Variants in RTN4 observed in about 807,000 individuals in gnomAD.
RTN4 encodes the protein reticulon 4, also known as reticulon-4.
A neutral mutation model predicts 90.4 loss-of-function variants in RTN4; 32 were observed. The ratio of observed to expected loss-of-function variants is 0.35; its 90% CI spans 0.27 to 0.48. The LOEUF is 0.48. RTN4 is among the 20% of genes least tolerant of loss of function. RTN4 has a pLI of 0.99. For missense variants in RTN4, 1,706 were observed against 1,430.2 expected, an observed-to-expected ratio of 1.19 and a Z score of -3.11; for synonymous variants, 629 against 552.5, an observed-to-expected ratio of 1.14 and a Z score of -1.94.
At chr2:55,046,572 AT>A (rs2104964914) in intron 1 of RTN4, among the ~76,000 whole-genome samples, 1 of 152,216 alleles carries the variant, frequency 6.6e-6, no homozygotes, top group South Asian at 2.1e-4. Context: ...TATCCTGTTT[AT>A]TTTCCTCATA....
intron 1 of RTN4, among the ~76,000 whole-genome samples, chr2:55,092,282 C>A (rs1374280878): frequency 8.0e-5 from 12 of 149,122 alleles, no homozygotes; most frequent in Admixed American, 7.4e-4. Flanking sequence ...GTTGCCCAGG[C>A]TGGAGTGTAA....
At chr2:55,068,731 A>G (rs918550747) in intron 2 of RTN4, among the ~76,000 whole-genome samples, 2 of 151,312 alleles carry the variant, frequency 1.3e-5, no homozygotes, top group African/African-American at 4.9e-5. Context: ...TGCATAAATG[A>G]TTTGCTGAAG....
chr2:54,977,409 T>TC, intron 5 of RTN4, among the ~76,000 whole-genome samples: 1 of 151,752 alleles, frequency 6.6e-6, no homozygotes, highest in South Asian at 2.1e-4. Flanking sequence ...TCAGGCCGTT[T>TC]TTTTTTTTTT....
intron 3 of RTN4, among the ~76,000 whole-genome samples, chr2:54,993,209 T>C (rs1212941905): frequency 1.4e-4 from 22 of 152,220 alleles, no homozygotes; most frequent in Admixed American, 1.4e-3. Flanking sequence ...CTCTTTTCTG[T>C]GCCATCTGAA....
In RTN4 at chr2:55,026,756, G is replaced by A. The variant is rs977158912; in HGVS notation, c.1343C>T (p.Pro448Leu). Residue 448 changes from proline to leucine, a missense_variant, in exon 3 of 9, where the codon CCC becomes CTC. Transcript: ENST00000337526. ...SESSNDDTSFPSTPEGIKDRS... is the reference protein window; with the variant it reads ...SESSNDDTSFLSTPEGIKDRS... ...ATCCTTTATACCTTCTGGCGTACTGGGGAAAGAAGTATCATCATTACTACT... is the reference window on the plus strand; with the variant it reads ...ATCCTTTATACCTTCTGGCGTACTGAGGAAAGAAGTATCATCATTACTACT... The A allele has an allele frequency of 6.2e-7, 1 of 1,613,868 alleles. No individual in the cohort carries two copies. The highest frequency in any genetic ancestry group is 1.7e-5 in the Admixed American group (1 of 59,982).
At chr2:55,128,313 T>G in the RTN4 span, among the ~76,000 whole-genome samples, 2 of 152,178 alleles carry the variant, frequency 1.3e-5, no homozygotes, top group Non-Finnish European at 2.9e-5. Flanking sequence ...GCCTCACATT[T>G]TTTTTGCACC....
At chr2:55,056,761 A>C (rs1668197597) in intron 2 of RTN4, among the ~76,000 whole-genome samples, 1 of 152,192 alleles carries the variant, frequency 6.6e-6, no homozygotes, top group Admixed American at 6.5e-5. Flanking sequence ...TTGTTGAAAT[A>C]AGTTCCCAAT....
intron 1 of RTN4, among the ~76,000 whole-genome samples, chr2:55,104,914 T>C (rs1390648213): frequency 6.6e-6 from 1 of 151,248 alleles, no homozygotes; most frequent in Non-Finnish European, 1.5e-5. Flanking sequence ...TCAAGCGATC[T>C]CCCCACCTCA....
At chr2:55,010,224 C>A in intron 3 of RTN4, 1 of 1,585,298 alleles carries the variant, frequency 6.3e-7, no homozygotes. Flanking sequence ...ATACCCGTTT[C>A]CTCAACCGAA....
At chr2:55,086,045 C>T (rs919044407) in intron 1 of RTN4, among the ~76,000 whole-genome samples, 1 of 152,214 alleles carries the variant, frequency 6.6e-6, no homozygotes, top group Non-Finnish European at 1.5e-5. Context: ...GACATTTCTT[C>T]ATCAGATAGA....
intron 1 of RTN4, among the ~76,000 whole-genome samples, chr2:55,035,190 T>C (rs1376024239): frequency 6.6e-6 from 1 of 152,200 alleles, no homozygotes; most frequent in East Asian, 1.9e-4. Context: ...AACTGACTTT[T>C]ATGGAACACT....
chr2:54,985,958 TC>T (rs1678525501), intron 4 of RTN4, among the ~76,000 whole-genome samples: 1 of 152,224 alleles, frequency 6.6e-6, no homozygotes, highest in African/African-American at 2.4e-5. Context: ...AATTAACATT[TC>T]AAAGGCTTAG....
At chr2:55,120,476 A>G in the RTN4 span, among the ~76,000 whole-genome samples, 2 of 151,702 alleles carry the variant, frequency 1.3e-5, no homozygotes, top group African/African-American at 4.8e-5. Flanking sequence ...TGGCCCCCAA[A>G]CCTCTCACTG....
In RTN4 at chr2:55,049,792, G is replaced by T. The variant is rs200650924; in HGVS notation, c.509C>A (p.Pro170His). ...TPPAPAPAAPPSTPAAPKRRG... is the reference protein window; with the variant it reads ...TPPAPAPAAPHSTPAAPKRRG... Reference sequence around the variant, plus strand: ...GCGCTTGGGCGCGGCCGGGGTGGAGGGGGGCGCGGCGGGAGCCGGGGCTGG... The same window carrying T: ...GCGCTTGGGCGCGGCCGGGGTGGAGTGGGGCGCGGCGGGAGCCGGGGCTGG... Residue 170 changes from proline to histidine, a missense_variant, in exon 1 of 9, where the codon CCC becomes CAC. Pro to His is a moderately conservative substitution (Grantham distance 77). Transcript: ENST00000337526. The T allele has an allele frequency of 3.9e-4, 515 of 1,311,030 alleles. 1 individual carries two copies. The African/African-American group carries it at 7.4e-3, about 19-fold the overall frequency. The allele number at this position is 1,311,030 out of a possible 1,614,324, so 81.2% of individuals were successfully genotyped here.
chr2:55,122,256 G>C, the RTN4 span, among the ~76,000 whole-genome samples: 1 of 152,170 alleles, frequency 6.6e-6, no homozygotes, highest in African/African-American at 2.4e-5. Context: ...TGGGATTATA[G>C]GCATGAGCCA....
At chr2:55,097,104 A>G (rs936544568) in intron 1 of RTN4, among the ~76,000 whole-genome samples, 1 of 151,774 alleles carries the variant, frequency 6.6e-6, no homozygotes, top group South Asian at 2.1e-4. Flanking sequence ...CAAGAGGCCA[A>G]GAGAAGTTCT....
At chr2:55,073,715 T>C (rs1668553188) in intron 2 of RTN4, among the ~76,000 whole-genome samples, 1 of 152,258 alleles carries the variant, frequency 6.6e-6, no homozygotes, top group African/African-American at 2.4e-5. Flanking sequence ...TCTGGGGACA[T>C]TTGCTGATTC....
intron 2 of RTN4, among the ~76,000 whole-genome samples, chr2:55,065,069 T>A (rs1185811348): frequency 6.6e-6 from 1 of 152,054 alleles, no homozygotes; most frequent in Non-Finnish European, 1.5e-5. Context: ...CAGAGATAAG[T>A]TGAGTATGTT....
rs1161536310 is a variant in RTN4, at chr2:54,982,569, C to T, written c.3306G>A (p.Thr1102=). ...AGAAGAGGCGCCTGAGTTCCTTTAT[C>T]GTGCAGTTCACATGACCAAGAGCAG... ...SNSALGHVNC[T]IKELRRLFLV... Residue 1102 remains threonine (T), a synonymous_variant, in exon 5 of 9, where the codon ACG becomes ACA. Coordinates refer to ENST00000337526, the MANE Select transcript of RTN4 (RefSeq NM_020532.5). 5.6e-6 allele frequency: 9 copies of T among 1,613,530 alleles called. No individual in the cohort carries two copies. Among genetic ancestry groups the T allele is most frequent in the East Asian group, 2.2e-5 (1 of 44,860 alleles).
Sources: gnomAD v4.1 joint callset for allele counts (sites outside exome capture counted in the v4.1 genomes callset) on GRCh38, gnomAD v4.1.1 for gene constraint, MANE v1.5 for transcripts, NCBI Gene and HGNC (gene_info 2026-07-23, HGNC 2026-07-21) for gene names.